SNTG1: variants seen among roughly 807,000 people sequenced by gnomAD.
SNTG1 encodes the protein gamma-1-syntrophin.
A neutral mutation model predicts 74.7 loss-of-function variants in SNTG1; 39 were observed. That is an observed-to-expected ratio of 0.52 (90% CI 0.40 to 0.68). SNTG1 has a LOEUF of 0.68. SNTG1 is among the 30% of genes least tolerant of loss of function. SNTG1 has a pLI of 0.00. For missense variants in SNTG1, 685 were observed against 609.5 expected (o/e 1.12, Z -1.30); for synonymous variants, 254 against 217.1 (o/e 1.17, Z -1.49).
At chr8:50,168,192 T>G (rs1041497098) in intron 1 of SNTG1, among the ~76,000 whole-genome samples, 25 of 152,160 alleles carry the variant, frequency 1.6e-4, no homozygotes, top group Admixed American at 1.3e-3. Flanking sequence ...CTACACATCT[T>G]TAGGAAGGAC....
chr8:50,000,437 C>G (rs1283469384), intron 1 of SNTG1, among the ~76,000 whole-genome samples: 2 of 152,090 alleles, frequency 1.3e-5, no homozygotes, highest in Non-Finnish European at 2.9e-5. Context: ...TGGAATGGGT[C>G]TTATTTTTTT....
At chr8:49,983,244 C>A (rs1812845903) in intron 1 of SNTG1, among the ~76,000 whole-genome samples, 1 of 152,162 alleles carries the variant, frequency 6.6e-6, no homozygotes, top group African/African-American at 2.4e-5. Context: ...TAGGAACTTT[C>A]TGATTAATCA....
chr8:50,385,784 G>GAT (rs1281464332), intron 2 of SNTG1, among the ~76,000 whole-genome samples: 3 of 152,130 alleles, frequency 2.0e-5, no homozygotes, highest in Non-Finnish European at 2.9e-5. Flanking sequence ...GGTACCAAGG[G>GAT]ATATGTTCAT....
At chr8:50,753,682 A>AT (rs2095573249) in intron 18 of SNTG1, among the ~76,000 whole-genome samples, 1 of 151,866 alleles carries the variant, frequency 6.6e-6, no homozygotes, top group Admixed American at 6.6e-5. Flanking sequence ...CATTCTTGTA[A>AT]TTTTTGTGTT....
intron 13 of SNTG1, among the ~76,000 whole-genome samples, chr8:50,612,948 C>T (rs1029984295): frequency 4.0e-5 from 6 of 151,522 alleles, no homozygotes; most frequent in East Asian, 1.9e-4. Flanking sequence ...TTAAAGAAAT[C>T]GGTAATAAGA....
chr8:50,197,480 G>A (rs2083819662), intron 2 of SNTG1, among the ~76,000 whole-genome samples: 1 of 151,980 alleles, frequency 6.6e-6, no homozygotes, highest in African/African-American at 2.4e-5. Context: ...TCTCAGTATT[G>A]TTCTCCAGAG....
intron 1 of SNTG1, among the ~76,000 whole-genome samples, chr8:50,165,874 T>G (rs1453349192): frequency 6.6e-6 from 1 of 151,870 alleles, no homozygotes; most frequent in African/African-American, 2.4e-5. Context: ...CAAACTATAC[T>G]ACAAGGCTAC....
At chr8:50,227,031 C>T (rs1395587596) in intron 2 of SNTG1, among the ~76,000 whole-genome samples, 1 of 152,110 alleles carries the variant, frequency 6.6e-6, no homozygotes, top group Non-Finnish European at 1.5e-5. Flanking sequence ...GATGTTGTTA[C>T]TCTAGTTTTT....
intron 1 of SNTG1, among the ~76,000 whole-genome samples, chr8:49,962,341 C>T (rs537749176): frequency 1.1e-4 from 17 of 151,464 alleles, no homozygotes; most frequent in African/African-American, 3.9e-4. Context: ...GCCTTATAGC[C>T]ATAAGATGCT....
chr8:50,013,414 T>C (rs1816004367), intron 1 of SNTG1, among the ~76,000 whole-genome samples: 1 of 152,044 alleles, frequency 6.6e-6, no homozygotes, highest in African/African-American at 2.4e-5. Context: ...CTCCTTTATT[T>C]TGTAAAACTT....
intron 18 of SNTG1, among the ~76,000 whole-genome samples, chr8:50,792,415 A>C (rs1343372676): frequency 1.3e-5 from 2 of 151,924 alleles, no homozygotes; most frequent in African/African-American, 4.8e-5. Context: ...TTTATCAATC[A>C]GTGCTAAAAG....
At chr8:50,516,062 G>A (rs78962957) in intron 9 of SNTG1, among the ~76,000 whole-genome samples, 6,249 of 152,012 alleles carry the variant, frequency 0.041, 131 homozygotes, top group Middle Eastern at 0.12. Flanking sequence ...CTGGCATCTG[G>A]CAGGTACACC....
chr8:50,555,466 G>A (rs184513157), intron 12 of SNTG1, among the ~76,000 whole-genome samples: 27 of 152,274 alleles, frequency 1.8e-4, no homozygotes, highest in African/African-American at 6.5e-4. Flanking sequence ...TGGTTAATTA[G>A]CATAAAGAAA....
Position 50,487,849 on chromosome 8 carries a change from TA to T in SNTG1, c.364-14918del, listed in dbSNP as rs556039366. Among the ~76,000 whole-genome samples, 154 of 143,972 alleles carry T rather than the reference TA, an allele frequency of 1.1e-3. 1 individual carries two copies. Among genetic ancestry groups the T allele is most frequent in the South Asian group, 1.7e-3 (8 of 4,574 alleles). The allele number at this position is 143,972 out of a possible 152,430, so 94.5% of individuals were successfully genotyped here. A position where few individuals can be genotyped will look rare whatever the true frequency, so the allele number is the denominator to read the frequency against. ...CTTAAAGTATAAAAAAAAAGTCCAG[TA>T]AAAAAAAAAAGAAGTCTCTAGAACT... On this transcript the variant is annotated intron_variant, in intron 8 of 18. Coordinates refer to ENST00000642720, the MANE Select transcript of SNTG1 (RefSeq NM_018967.5).
At chr8:50,388,675 G>A (rs1278110737) in intron 2 of SNTG1, among the ~76,000 whole-genome samples, 1 of 152,166 alleles carries the variant, frequency 6.6e-6, no homozygotes, top group East Asian at 1.9e-4. Context: ...TGATGATGCA[G>A]TCTGGAGGCA....
chr8:49,936,560 C>A (rs1166199759), intron 1 of SNTG1, among the ~76,000 whole-genome samples: 2 of 152,184 alleles, frequency 1.3e-5, no homozygotes, highest in Admixed American at 1.3e-4. Context: ...AGAAAATTCA[C>A]TTTGGCACTA....
At chr8:50,163,739 C>T (rs1198680098) in intron 1 of SNTG1, 1 of 152,182 alleles carries the variant, frequency 6.6e-6, no homozygotes, top group African/African-American at 2.4e-5. Context: ...GCCTCCACCT[C>T]CCAAAGTGCT....
At chr8:50,757,439 T>C (rs2131722694) in intron 18 of SNTG1, among the ~76,000 whole-genome samples, 1 of 151,976 alleles carries the variant, frequency 6.6e-6, no homozygotes, top group East Asian at 1.9e-4. Flanking sequence ...TCCCTCTTTT[T>C]CCCTAAACCT....
chr8:50,037,515 T>C (rs1427218473), intron 1 of SNTG1, among the ~76,000 whole-genome samples: 2 of 152,166 alleles, frequency 1.3e-5, no homozygotes, highest in Non-Finnish European at 1.5e-5. Flanking sequence ...CAATAGATAA[T>C]AGATAAATAG....
Sources: allele counts gnomAD v4.1 joint callset (sites outside exome capture counted in the v4.1 genomes callset), GRCh38; gene constraint gnomAD v4.1.1; transcripts MANE v1.5; gene names NCBI Gene and HGNC (gene_info 2026-07-23, HGNC 2026-07-21).